RAP1GDS1: variants seen among roughly 807,000 people sequenced by gnomAD.
RAP1GDS1 encodes the protein RAP1, GTP-GDP dissociation stimulator 1.
In RAP1GDS1, 35 loss-of-function variants were observed where a neutral mutation model predicts 71.1. The observed-to-expected ratio is 0.49, with a 90% CI of 0.38 to 0.65. The LOEUF is 0.65. RAP1GDS1 is among the 30% of genes least tolerant of loss of function. The pLI, the probability that RAP1GDS1 is intolerant of heterozygous loss-of-function variation, is 0.00. For missense variants in RAP1GDS1, 663 were observed against 706.1 expected (o/e 0.94, Z 0.69); for synonymous variants, 229 against 243.1 (o/e 0.94, Z 0.54).
intron 3 of RAP1GDS1, among the ~76,000 whole-genome samples, chr4:98,345,888 A>G (rs569281816): frequency 1.3e-5 from 2 of 152,340 alleles, no homozygotes; most frequent in Admixed American, 1.3e-4. Context: ...CGGTAGCAGC[A>G]TGTAACCTGA....
chr4:98,389,087 C>T (rs1315387855), intron 5 of RAP1GDS1, among the ~76,000 whole-genome samples: 2 of 152,108 alleles, frequency 1.3e-5, no homozygotes, highest in African/African-American at 4.8e-5. Context: ...GCTAAAATGC[C>T]AGCAGTTTTA....
Position 98,352,566 on chromosome 4 carries a change from C to T in RAP1GDS1, c.326C>T (p.Thr109Met), listed in dbSNP as rs375243663. Residue 109 changes from threonine to methionine, a missense_variant, in exon 4 of 15, where the codon ACG becomes ATG. Thr to Met is a moderately conservative substitution (Grantham distance 81). Transcript: ENST00000408927. ...AAAGACCAGGAAGTGCTGCTTCAAA[C>T]GGGCAGGGCTCTAGGAAACATATGT... Reference protein sequence around the residue: ...NSKDQEVLLQTGRALGNICYD... With the variant: ...NSKDQEVLLQMGRALGNICYD... 5.3e-5 allele frequency: 86 copies of T among 1,613,898 alleles called. No individual in the cohort carries two copies. The highest frequency in any genetic ancestry group is 6.0e-5 in the Non-Finnish European group (71 of 1,179,932).
intron 10 of RAP1GDS1, among the ~76,000 whole-genome samples, chr4:98,419,132 C>T (rs1748441560): frequency 6.6e-6 from 1 of 152,154 alleles, no homozygotes; most frequent in South Asian, 2.1e-4. Flanking sequence ...CCTGGCTCAC[C>T]ACAGCCTCTA....
At chr4:98,416,343 T>TC (rs1747996306) in intron 7 of RAP1GDS1, among the ~76,000 whole-genome samples, 1 of 121,012 alleles carries the variant, frequency 8.3e-6, no homozygotes, top group Non-Finnish European at 1.7e-5. Flanking sequence ...AGTTTTTTTT[T>TC]TTTTTTTTTT....
Position 98,443,015 on chromosome 4 carries a change from A to ATTTTTTTTTCTTTTTTT in RAP1GDS1, c.*907_*908insCTTTTTTTTTTTTTTTT, listed in dbSNP as rs543199019. 2.4e-3 allele frequency: 330 copies of ATTTTTTTTTCTTTTTTT among 138,238 alleles called. 5 individuals carry two copies. Among genetic ancestry groups the ATTTTTTTTTCTTTTTTT allele is most frequent in the African/African-American group, 7.0e-3 (176 of 25,300 alleles). 8.6% of individuals were successfully genotyped at this position (138,238 alleles called of 1,614,324 possible). A position where few individuals can be genotyped will look rare whatever the true frequency, so the allele number is the denominator to read the frequency against. On this transcript the variant is annotated 3_prime_UTR_variant, in exon 15 of 15. Coordinates refer to ENST00000408927, the MANE Select transcript of RAP1GDS1 (RefSeq NM_001100427.2). ...TGAGTATAGTTCATTGAAGAATGGAATTTTTTTTTTTTTTTTTTTTTTTGC... is the reference window on the plus strand; with the variant it reads ...TGAGTATAGTTCATTGAAGAATGGAATTTTTTTTTCTTTTTTTTTTTTTTTTTTTTTTTTTTTTTTGC...
chr4:98,296,956 T>TG, intron 2 of RAP1GDS1: 1 of 326,382 alleles, frequency 3.1e-6, no homozygotes, highest in Non-Finnish European at 5.7e-6. Context: ...GACCATAAAG[T>TG]GTGCCATACA....
At chr4:98,350,127 T>G (rs1736946366) in intron 3 of RAP1GDS1, among the ~76,000 whole-genome samples, 1 of 152,208 alleles carries the variant, frequency 6.6e-6, no homozygotes, top group Non-Finnish European at 1.5e-5. Flanking sequence ...TACTTGAAGC[T>G]ATTGATTGTA....
intron 12 of RAP1GDS1, among the ~76,000 whole-genome samples, chr4:98,430,224 C>T (rs1750211019): frequency 6.6e-6 from 1 of 152,112 alleles, no homozygotes; most frequent in South Asian, 2.1e-4. Context: ...CAGAAAACAA[C>T]TTGAAATTAT....
intron 14 of RAP1GDS1, chr4:98,441,197 G>C: frequency 2.8e-6 from 1 of 361,862 alleles, no homozygotes; most frequent in Non-Finnish European, 3.8e-6. Flanking sequence ...GTTTATGTCA[G>C]TCATATCAAA....
intron 7 of RAP1GDS1, 118 bp from the exon 8 acceptor site, chr4:98,416,627 G>A (rs144195862): frequency 0.03 from 28,308 of 932,404 alleles, 531 homozygotes; most frequent in South Asian, 0.037. Context: ...TGGGATTACA[G>A]GCGTGAGCCA....
intron 2 of RAP1GDS1, among the ~76,000 whole-genome samples, chr4:98,328,198 A>C (rs1733424009): frequency 6.6e-6 from 1 of 152,234 alleles, no homozygotes; most frequent in Non-Finnish European, 1.5e-5. Context: ...GCAATAGCAC[A>C]GGCATTTTCT....
intron 14 of RAP1GDS1, among the ~76,000 whole-genome samples, chr4:98,437,954 G>A (rs1469004998): frequency 6.6e-6 from 1 of 152,088 alleles, no homozygotes; most frequent in Non-Finnish European, 1.5e-5. Context: ...TGGTACTAGT[G>A]TCAAGTTTCC....
At position 98,371,258 on chromosome 4, in the gene RAP1GDS1, G is replaced by A. The variant is rs139798206; in HGVS notation, c.362-7759G>A. ...CTCCTGAGTAGCTAGGATTACAGGC[G>A]TGTACCACCATCCCCAGCTAATTTT... On this transcript the variant is annotated intron_variant, in intron 4 of 14. Transcript: ENST00000408927. Among the ~76,000 whole-genome samples the A allele has an allele frequency of 4.2e-3, 630 of 151,228 alleles. 2 individuals are homozygous for A. Among genetic ancestry groups the A allele is most frequent in the African/African-American group, 0.013 (538 of 41,214 alleles).
intron 3 of RAP1GDS1, among the ~76,000 whole-genome samples, chr4:98,346,652 C>G (rs2110406607): frequency 6.6e-6 from 1 of 152,010 alleles, no homozygotes; most frequent in African/African-American, 2.4e-5. Context: ...TCAAGCAATT[C>G]TCCTGCCTCA....
rs1030935414 is a variant in RAP1GDS1 at position 98,428,341 on chromosome 4, G to A, written c.1441-5595G>A. ...CAAAGCAAATGCAATAAAAACAAAGGTAAATAGCTGGGACTTAATTAAACT... is the reference window on the plus strand; with the variant it reads ...CAAAGCAAATGCAATAAAAACAAAGATAAATAGCTGGGACTTAATTAAACT... On this transcript the variant is annotated intron_variant, in intron 12 of 14. Coordinates refer to ENST00000408927, the MANE Select transcript of RAP1GDS1 (RefSeq NM_001100427.2). Among the ~76,000 whole-genome samples the A allele has an allele frequency of 2.6e-5, 4 of 152,184 alleles. No homozygotes were observed. In the East Asian group the frequency reaches 5.8e-4, roughly 22 times the overall value.
At chr4:98,331,369 A>G (rs942927351) in intron 2 of RAP1GDS1, among the ~76,000 whole-genome samples, 2 of 150,448 alleles carry the variant, frequency 1.3e-5, no homozygotes, top group Admixed American at 6.6e-5. Context: ...AGAGAGAGGG[A>G]GAGGGAGAGA....
chr4:98,413,120 C>T (rs956148560), intron 7 of RAP1GDS1, among the ~76,000 whole-genome samples: 37 of 152,156 alleles, frequency 2.4e-4, no homozygotes, highest in African/African-American at 7.9e-4. Flanking sequence ...GAGACCAGGG[C>T]GTATTTCAGT....
chr4:98,397,461 C>A (rs895597022), intron 6 of RAP1GDS1, among the ~76,000 whole-genome samples: 4 of 151,964 alleles, frequency 2.6e-5, no homozygotes, highest in Non-Finnish European at 4.4e-5. Flanking sequence ...AGTGAGACCT[C>A]CCCCCGACCC....
chr4:98,350,887 T>G (rs1301807271), intron 3 of RAP1GDS1, among the ~76,000 whole-genome samples: 1 of 152,170 alleles, frequency 6.6e-6, no homozygotes, highest in African/African-American at 2.4e-5. Context: ...TACACACCTG[T>G]AGCTCCAGCT....
Sources: allele counts gnomAD v4.1 joint callset (sites outside exome capture counted in the v4.1 genomes callset), GRCh38; gene constraint gnomAD v4.1.1; transcripts MANE v1.5; gene names NCBI Gene and HGNC (gene_info 2026-07-23, HGNC 2026-07-21).